The following ALDH1A2 variants were observed in gnomAD, a reference collection of about 807,000 sequenced individuals.
ALDH1A2 encodes the protein aldehyde dehydrogenase 1 family member A2.
A neutral mutation model predicts 60.3 loss-of-function variants in ALDH1A2; 27 were observed. That is an observed-to-expected ratio of 0.45 (90% CI 0.33 to 0.62). The LOEUF is 0.62. ALDH1A2 is among the 20% of genes least tolerant of loss of function. The pLI is 0.02. For synonymous variants in ALDH1A2, 289 were observed against 232.4 expected (o/e 1.24, Z -2.21); for missense variants, 581 against 643.8 (o/e 0.90, Z 1.06).
At chr15:58,030,993 G>C (rs1450613387) in intron 1 of ALDH1A2, among the ~76,000 whole-genome samples, 1 of 152,076 alleles carries the variant, frequency 6.6e-6, no homozygotes, top group Non-Finnish European at 1.5e-5. Flanking sequence ...TCCCCATCAA[G>C]CTACCAATGA....
At chr15:58,036,667 G>A (rs1896385708) in intron 1 of ALDH1A2, 1 of 151,580 alleles carries the variant, frequency 6.6e-6, no homozygotes, top group Admixed American at 6.6e-5. Flanking sequence ...GAAATTGTAA[G>A]TACGACTGAA....
chr15:58,025,209 G>C (rs1262133845), intron 1 of ALDH1A2, among the ~76,000 whole-genome samples: 6 of 151,970 alleles, frequency 3.9e-5, no homozygotes, highest in African/African-American at 1.4e-4. Flanking sequence ...ATGAAACAGA[G>C]ACTAAAAAGA....
intron 7 of ALDH1A2, among the ~76,000 whole-genome samples, chr15:57,972,984 C>G (rs1894120926): frequency 6.6e-6 from 1 of 152,150 alleles, no homozygotes; most frequent in Non-Finnish European, 1.5e-5. Context: ...TGACATTTAT[C>G]TCACTTAGGA....
intron 4 of ALDH1A2, among the ~76,000 whole-genome samples, chr15:57,996,238 A>C (rs1895055478): frequency 6.6e-6 from 1 of 152,118 alleles, no homozygotes; most frequent in African/African-American, 2.4e-5. Flanking sequence ...TTTATCACAC[A>C]AAATTGTTTT....
chr15:58,057,991 CAT>C, intron 1 of ALDH1A2: 1 of 1,293,348 alleles, frequency 7.7e-7, no homozygotes, highest in Non-Finnish European at 1.1e-6. Context: ...AACTGTAAAA[CAT>C]AGATGAGGCA....
rs34306826 is a variant in ALDH1A2 at position 57,967,170 on chromosome 15, A to ATTTTT, written c.799-1348_799-1344dup. ...AAGGCTCTGGAGCCAGACTGCCTGG[A>ATTTTT]TTTTTTTTTTTTTTTTTTAACCAGT... On this transcript the variant is annotated intron_variant, in intron 7 of 12. Coordinates refer to ENST00000249750, the MANE Select transcript of ALDH1A2 (RefSeq NM_003888.4). Among the ~76,000 whole-genome samples, 447 of 141,714 alleles carry ATTTTT rather than the reference A, an allele frequency of 3.2e-3. 5 individuals carry two copies. The highest frequency in any genetic ancestry group is 0.01 in the African/African-American group (388 of 38,238). The allele number at this position is 141,714 out of a possible 152,430, so 93.0% of individuals were successfully genotyped here. A position where few individuals can be genotyped will look rare whatever the true frequency, so the allele number is the denominator to read the frequency against.
intron 1 of ALDH1A2, among the ~76,000 whole-genome samples, chr15:58,036,020 A>C (rs1379946771): frequency 6.6e-6 from 1 of 151,758 alleles, no homozygotes; most frequent in African/African-American, 2.4e-5. Flanking sequence ...AATACATTAA[A>C]AAATAATGTA....
At chr15:58,020,217 C>A (rs145019333) in intron 1 of ALDH1A2, among the ~76,000 whole-genome samples, 16 of 152,246 alleles carry the variant, frequency 1.1e-4, no homozygotes, top group Non-Finnish European at 1.9e-4. Flanking sequence ...TTTTCTTTAT[C>A]CATTGATGGG....
intron 1 of ALDH1A2, among the ~76,000 whole-genome samples, chr15:58,023,501 A>C (rs1291665470): frequency 6.6e-6 from 1 of 152,200 alleles, no homozygotes; most frequent in African/African-American, 2.4e-5. Flanking sequence ...TATTGTTATC[A>C]GACTGTCTGA....
intron 4 of ALDH1A2, among the ~76,000 whole-genome samples, chr15:57,998,788 T>A (rs1305025319): frequency 6.6e-6 from 1 of 152,122 alleles, no homozygotes; most frequent in Non-Finnish European, 1.5e-5. Context: ...TCATGCTACC[T>A]GACTTCAAAC....
intron 1 of ALDH1A2, among the ~76,000 whole-genome samples, chr15:58,016,620 A>G (rs565770438): frequency 8.3e-4 from 127 of 152,316 alleles, no homozygotes; most frequent in African/African-American, 3.0e-3. Flanking sequence ...TCTAAGATGC[A>G]TTATAGGATC....
intron 7 of ALDH1A2, among the ~76,000 whole-genome samples, chr15:57,967,125 G>A (rs1269361082): frequency 6.6e-6 from 1 of 151,794 alleles, no homozygotes; most frequent in African/African-American, 2.4e-5. Context: ...GCAGGCAGCG[G>A]AGAACCCCAG....
At chr15:57,990,872 T>A (rs1183391485) in intron 7 of ALDH1A2, among the ~76,000 whole-genome samples, 25 of 45,080 alleles carry the variant, frequency 5.5e-4, no homozygotes, top group Admixed American at 1.4e-3. Flanking sequence ...TGAAACTCCA[T>A]CTCAAAAAAA....
intron 1 of ALDH1A2, among the ~76,000 whole-genome samples, chr15:58,054,210 G>A (rs745706844): frequency 6.6e-6 from 1 of 151,934 alleles, no homozygotes; most frequent in Non-Finnish European, 1.5e-5. Flanking sequence ...AAACACCAAG[G>A]GAAGCAGAAG....
intron 1 of ALDH1A2, among the ~76,000 whole-genome samples, chr15:58,060,509 TGGCATCATATCA>T (rs1177872196): frequency 2.4e-5 from 3 of 126,484 alleles, no homozygotes; most frequent in Non-Finnish European, 3.1e-5. Context: ...CCCTAGGACC[TGGCATCATATCA>T]GGCACTATGT....
intron 4 of ALDH1A2, among the ~76,000 whole-genome samples, chr15:58,001,208 T>A (rs761319120): frequency 6.6e-6 from 1 of 151,894 alleles, no homozygotes; most frequent in Non-Finnish European, 1.5e-5. Context: ...AAGTCCAAAG[T>A]GGCACCACTG....
At chr15:57,976,832 A>G (rs1894275700) in intron 7 of ALDH1A2, among the ~76,000 whole-genome samples, 2 of 152,282 alleles carry the variant, frequency 1.3e-5, no homozygotes, top group South Asian at 2.1e-4. Context: ...TCCTTGAGGA[A>G]TTGCCACCAT....
intron 7 of ALDH1A2, among the ~76,000 whole-genome samples, chr15:57,992,296 G>A (rs191892157): frequency 6.6e-6 from 1 of 152,246 alleles, no homozygotes; most frequent in East Asian, 1.9e-4. Context: ...ATCTCTTAAG[G>A]TTCATGGGGT....
intron 1 of ALDH1A2, among the ~76,000 whole-genome samples, chr15:58,018,698 C>G (rs1895847037): frequency 6.6e-6 from 1 of 152,202 alleles, no homozygotes; most frequent in African/African-American, 2.4e-5. Context: ...ATATGATATG[C>G]TGAGAAAGAC....
Sources: gnomAD v4.1 joint callset for allele counts (sites outside exome capture counted in the v4.1 genomes callset) on GRCh38, gnomAD v4.1.1 for gene constraint, MANE v1.5 for transcripts, NCBI Gene and HGNC (gene_info 2026-07-23, HGNC 2026-07-21) for gene names.